SEPTIN12: variants seen among roughly 807,000 people sequenced by gnomAD.
SEPTIN12 encodes the protein septin 12, also known as septin-12.
In SEPTIN12, 42 loss-of-function variants were observed where a neutral mutation model predicts 37.7. The observed-to-expected ratio is 1.11, with a 90% confidence interval of 0.87 to 1.44. SEPTIN12 has a LOEUF of 1.44. Among genes scored for constraint, SEPTIN12 ranks in the 40% most tolerant of loss-of-function variants. The pLI, the probability that SEPTIN12 is intolerant of heterozygous loss-of-function variation, is 0.00. For synonymous variants in SEPTIN12, 254 were observed against 196.7 expected, an observed-to-expected ratio of 1.29 and a Z score of -2.44; for missense variants, 613 against 479.2, an observed-to-expected ratio of 1.28 and a Z score of -2.61.
At chr16:4,790,810 A>G (rs141374127), upstream of SEPTIN12, among the ~76,000 whole-genome samples, 814 of 152,232 alleles carry the variant, frequency 5.3e-3, 9 homozygotes, top group African/African-American at 0.019. Flanking sequence ...AAATAAATAA[A>G]TAAGTAAGTA....
chr16:4,783,608 T>C, intron 6 of SEPTIN12, 41 bp downstream of exon 6: 1 of 1,611,332 alleles, frequency 6.2e-7, no homozygotes, highest in Non-Finnish European at 8.5e-7. Context: ...CTCTGCCCTC[T>C]GCCCCCGCTG....
chr16:4,787,850 T>C, intron 1 of SEPTIN12, 183 bp from the exon 2 acceptor site: 2 of 572,016 alleles, frequency 3.5e-6, no homozygotes, highest in Non-Finnish European at 6.2e-6. Flanking sequence ...TGGGGAGCTG[T>C]TTCTGCAGGG....
chr16:4,784,379 C>CG (rs2082410853), intron 4 of SEPTIN12: 1 of 347,394 alleles, frequency 2.9e-6, no homozygotes, highest in Non-Finnish European at 5.5e-6. Flanking sequence ...ACCAAGGAAT[C>CG]GCGCCTGATG....
intron 7 of SEPTIN12, among the ~76,000 whole-genome samples, chr16:4,780,199 C>T (rs959317840): frequency 3.9e-5 from 6 of 152,026 alleles, no homozygotes; most frequent in Non-Finnish European, 5.9e-5. Context: ...GTGATATCCC[C>T]GCCTCAGTCC....
chr16:4,783,971 C>G lies in SEPTIN12; in HGVS notation c.472G>C (p.Val158Leu), dbSNP rs764990095. The change falls in exon 5 of 10, where the codon GTG (valine) becomes CTG (leucine). Residue 158 changes from valine (V) to leucine (L), a missense_variant. By Grantham distance (32) the Val-to-Leu change is conservative. Coordinates refer to ENST00000268231, the MANE Select transcript of SEPTIN12 (RefSeq NM_144605.5). ...GGTACAAAGTACACGCAGCAGTGCA[C>G]CCGGGTGTCTGGGATGTGGCGCTGG... ...TRQRHIPDTR[V>L]HCCVYFVPPT... 1.5e-5 allele frequency: 24 copies of G among 1,614,074 alleles called. No individual in the cohort carries two copies. The highest frequency in any genetic ancestry group is 3.3e-5 in the Admixed American group (2 of 60,004).
chr16:4,782,023 T>C (rs1391934963), intron 7 of SEPTIN12, among the ~76,000 whole-genome samples: 5 of 141,252 alleles, frequency 3.5e-5, no homozygotes, highest in African/African-American at 5.3e-5. Flanking sequence ...CAATCTCTGC[T>C]CACTGCAACC....
At chr16:4,781,056 C>T (rs760081717) in intron 7 of SEPTIN12, among the ~76,000 whole-genome samples, 8 of 151,944 alleles carry the variant, frequency 5.3e-5, no homozygotes, top group Non-Finnish European at 7.4e-5. Context: ...GTCAGGAGAT[C>T]GAGATCACCC....
chr16:4,784,218 C>A, intron 4 of SEPTIN12, 150 bp from the exon 5 acceptor site: 1 of 746,852 alleles, frequency 1.3e-6, no homozygotes, highest in Non-Finnish European at 2.2e-6. Flanking sequence ...TACTTTCCCC[C>A]ACTTCCCTGC....
chr16:4,781,284 T>TA (rs137915190), intron 7 of SEPTIN12, among the ~76,000 whole-genome samples: 10,069 of 148,598 alleles, frequency 0.068, 1,153 homozygotes, highest in African/African-American at 0.24. Flanking sequence ...CCCTATCTCA[T>TA]AAAAAAAACA....
intron 4 of SEPTIN12, among the ~76,000 whole-genome samples, chr16:4,785,100 A>T (rs928802846): frequency 1.3e-5 from 2 of 152,034 alleles, no homozygotes; most frequent in African/African-American, 4.8e-5. Flanking sequence ...AATTCAAAAA[A>T]GTAGCCGAGC....
intron 4 of SEPTIN12, 30 bp downstream of exon 4, chr16:4,785,777 T>TA (rs368610870): frequency 0.14 from 144,757 of 1,060,476 alleles, 36 homozygotes; most frequent in South Asian, 0.15. Context: ...AAACTCTGCC[T>TA]AAAAAAAAAA....
At chr16:4,785,516 G>A (rs993563452) in intron 4 of SEPTIN12, among the ~76,000 whole-genome samples, 10 of 152,178 alleles carry the variant, frequency 6.6e-5, no homozygotes, top group Admixed American at 2.6e-4. Context: ...GCTCATGCCT[G>A]TAATCCCAGC....
At chr16:4,783,862 G>A in intron 5 of SEPTIN12, 69 bp downstream of exon 5, 1 of 1,607,302 alleles carries the variant, frequency 6.2e-7, no homozygotes, top group Non-Finnish European at 8.5e-7. Flanking sequence ...GCAGCCCATG[G>A]TGGGGACCCC....
At position 4,777,854 on chromosome 16, in the gene SEPTIN12, G is replaced by T. The variant is rs566866658; in HGVS notation, c.1020C>A (p.Thr340=). ...LAPASPGQLT[T]PRTFKVCRGA... ...CCCTGCAGACCTTGAAGGTCCGGGG[G>T]GTGGTCAGCTGTCCTGGGGAGGCCG... Residue 340 remains threonine (T), a synonymous_variant, in exon 10 of 10, where the codon ACC becomes ACA. Transcript: ENST00000268231. 9.4e-6 allele frequency: 15 copies of T among 1,596,838 alleles called. No individual in the cohort carries two copies. The highest frequency in any genetic ancestry group is 1.2e-5 in the Non-Finnish European group (14 of 1,172,602).
intron 7 of SEPTIN12, among the ~76,000 whole-genome samples, chr16:4,780,003 G>A (rs1432612906): frequency 6.6e-6 from 1 of 152,040 alleles, no homozygotes; most frequent in African/African-American, 2.4e-5. Flanking sequence ...CACTTTAGGA[G>A]GCCGAGGTGG....
In SEPTIN12 at chr16:4,783,957, C is replaced by T; in HGVS notation, c.486G>A (p.Val162=). The T allele has an allele frequency of 6.2e-7, 1 of 1,614,192 alleles. No homozygotes were observed. Among genetic ancestry groups the T allele is most frequent in the Non-Finnish European group, 8.5e-7 (1 of 1,180,022 alleles). Residue 162 remains valine, a synonymous_variant, in exon 5 of 10, where the codon GTG becomes GTA. Coordinates refer to ENST00000268231, the MANE Select transcript of SEPTIN12 (RefSeq NM_144605.5). ...AGTGCCCAGTGGGTGGTACAAAGTA[C>T]ACGCAGCAGTGCACCCGGGTGTCTG... is the stretch of plus-strand genomic sequence containing the variant. ...HIPDTRVHCC[V]YFVPPTGHCL...
At chr16:4,786,353 CT>C (rs949470758) in intron 2 of SEPTIN12, among the ~76,000 whole-genome samples, 12,192 of 126,138 alleles carry the variant, frequency 0.097, 457 homozygotes, top group African/African-American at 0.2. Flanking sequence ...TTTTGCACTG[CT>C]TTTTTTTTTT....
intron 2 of SEPTIN12, 27 bp from the exon 3 acceptor site, chr16:4,786,132 G>C (rs1192187864): frequency 6.4e-7 from 1 of 1,559,016 alleles, no homozygotes; most frequent in Non-Finnish European, 8.7e-7. Flanking sequence ...GATGACAGCA[G>C]TTAGGGTGGG....
At chr16:4,788,800 A>G (rs1312701793), upstream of SEPTIN12, 1 of 152,234 alleles carries the variant, frequency 6.6e-6, no homozygotes, top group Non-Finnish European at 1.5e-5. Flanking sequence ...CCAAGCTGAT[A>G]GATAAGAGAG....
Sources: gnomAD v4.1 joint callset for allele counts (sites outside exome capture counted in the v4.1 genomes callset) on GRCh38, gnomAD v4.1.1 for gene constraint, MANE v1.5 for transcripts, NCBI Gene and HGNC (gene_info 2026-07-23, HGNC 2026-07-21) for gene names.